Variants in KLF8 observed in about 807,000 individuals in gnomAD.
KLF8 encodes KLF transcription factor 8.
In KLF8, 10 loss-of-function variants were observed where a neutral mutation model predicts 18.2. That is an observed-to-expected ratio of 0.55 (90% confidence interval 0.34 to 0.93). The LOEUF is 0.93. Among genes scored for constraint, KLF8 ranks in the 40% least tolerant of loss-of-function variants. KLF8 has a pLI of 0.02. For missense variants in KLF8, 264 were observed against 277.9 expected (o/e 0.95, Z 0.36); for synonymous variants, 109 against 97.3 (o/e 1.12, Z -0.71).
At chrX:56,208,513 G>A in the KLF8 span, among the ~76,000 whole-genome samples, 1 of 110,305 alleles carries the variant, frequency 9.1e-6, no homozygotes, top group African/African-American at 3.3e-5. Context: ...CTAAGTTCTG[G>A]TTTGGTTTGC....
the KLF8 span, among the ~76,000 whole-genome samples, chrX:56,022,137 T>A: frequency 7.2e-5 from 8 of 110,953 alleles, no homozygotes; most frequent in Admixed American, 3.8e-4. Context: ...CTGTAGAATA[T>A]CCCTTATCTA....
At chrX:56,041,454 A>G in the KLF8 span, among the ~76,000 whole-genome samples, 5 of 100,871 alleles carry the variant, frequency 5.0e-5, no homozygotes, top group African/African-American at 1.1e-4. Flanking sequence ...TCTCTTTATT[A>G]GTCTAGCTAG....
chrX:56,086,666 G>A, the KLF8 span, among the ~76,000 whole-genome samples: 1 of 110,729 alleles, frequency 9.0e-6, no homozygotes, highest in Non-Finnish European at 1.9e-5. Flanking sequence ...TAGGCTTCTT[G>A]TGATAATGAT....
At chrX:56,050,587 A>T in the KLF8 span, among the ~76,000 whole-genome samples, 4 of 112,207 alleles carry the variant, frequency 3.6e-5, no homozygotes, top group South Asian at 7.3e-4. Context: ...TTTCAGTGAG[A>T]TTCTTAATCC....
chrX:55,980,276 C>T, the KLF8 span, among the ~76,000 whole-genome samples: 1 of 112,017 alleles, frequency 8.9e-6, no homozygotes, highest in Non-Finnish European at 1.9e-5. Flanking sequence ...TTACTGAGTG[C>T]TTGTTGTGAG....
At chrX:55,970,560 C>T in the KLF8 span, among the ~76,000 whole-genome samples, 4 of 111,731 alleles carry the variant, frequency 3.6e-5, no homozygotes, top group East Asian at 1.1e-3. Flanking sequence ...TACTGCAAGT[C>T]CTAGCTAGAG....
At chrX:56,199,328 G>A in the KLF8 span, among the ~76,000 whole-genome samples, 2 of 111,791 alleles carry the variant, frequency 1.8e-5, no homozygotes, top group Non-Finnish European at 3.8e-5. Flanking sequence ...GAAGGTTTTT[G>A]CAATCTACCC....
At chrX:56,083,448 T>C in the KLF8 span, among the ~76,000 whole-genome samples, 1 of 112,325 alleles carries the variant, frequency 8.9e-6, no homozygotes, top group Non-Finnish European at 1.9e-5. Flanking sequence ...TATTAAAGAT[T>C]CTAGAACATG....
the KLF8 span, among the ~76,000 whole-genome samples, chrX:56,114,154 G>C: frequency 8.9e-6 from 1 of 112,363 alleles, no homozygotes; most frequent in Admixed American, 9.4e-5. Context: ...ATTGGTCACA[G>C]CTGCTGTGCT....
the KLF8 span, chrX:56,074,600 T>A: frequency 4.1e-5 from 5 of 120,902 alleles, no homozygotes; most frequent in Non-Finnish European, 6.9e-5. Context: ...TATCTATATA[T>A]GTTAAGGGTT....
At chrX:56,216,513 G>GGTTT in the KLF8 span, among the ~76,000 whole-genome samples, 1 of 91,070 alleles carries the variant, frequency 1.1e-5, no homozygotes, top group Non-Finnish European at 2.2e-5. Context: ...TCTGGCTGCT[G>GGTTT]ATTTATTTAT....
chrX:55,958,381 G>C, the KLF8 span, among the ~76,000 whole-genome samples: 1 of 111,823 alleles, frequency 8.9e-6, no homozygotes, highest in Non-Finnish European at 1.9e-5. Flanking sequence ...CATCAACCAA[G>C]GCCTGCTACA....
the KLF8 span, among the ~76,000 whole-genome samples, chrX:56,102,960 T>A: frequency 2.1e-5 from 2 of 96,782 alleles, no homozygotes; most frequent in Non-Finnish European, 2.0e-5. Flanking sequence ...TATGGAGGTT[T>A]CATTATGATT....
At chrX:55,931,182 T>C in the KLF8 span, among the ~76,000 whole-genome samples, 1 of 112,044 alleles carries the variant, frequency 8.9e-6, no homozygotes, top group East Asian at 2.8e-4. Flanking sequence ...TTTATTTGCA[T>C]AGAGGTGTTT....
At chrX:56,043,051 T>A in the KLF8 span, among the ~76,000 whole-genome samples, 1 of 111,883 alleles carries the variant, frequency 8.9e-6, no homozygotes, top group Non-Finnish European at 1.9e-5. Context: ...CTGAAACATA[T>A]CTTATTTCTC....
chrX:56,053,011 G>A, the KLF8 span, among the ~76,000 whole-genome samples: 6 of 111,895 alleles, frequency 5.4e-5, no homozygotes, highest in East Asian at 2.8e-4. Flanking sequence ...CAGTAGTCAG[G>A]TGGGAGTGAC....
At position 56,285,177 on chromosome X, in the gene KLF8, C is replaced by T. The variant is rs1487848543; in HGVS notation, c.*683C>T. The T allele has an allele frequency of 1.8e-5, 2 of 111,853 alleles. No homozygotes were observed. Among genetic ancestry groups the T allele is most frequent in the Non-Finnish European group, 3.8e-5 (2 of 53,165 alleles). 9.2% of individuals were successfully genotyped at this position (111,853 alleles called of 1,213,427 possible). On this transcript the variant is annotated 3_prime_UTR_variant, in exon 6 of 6. Transcript: ENST00000468660. Reference sequence around the variant, plus strand: ...GAGGAGTTCTTGTCCTTCTCCTCCTCTTTTTTTTCTTTTCCACTTTCTCCT... The same window carrying T: ...GAGGAGTTCTTGTCCTTCTCCTCCTTTTTTTTTTCTTTTCCACTTTCTCCT...
At chrX:56,228,545 G>C (rs752400129), upstream of KLF8, among the ~76,000 whole-genome samples, 3 of 112,400 alleles carry the variant, frequency 2.7e-5, no homozygotes, top group East Asian at 8.4e-4. Context: ...TTAGAGATGT[G>C]AAGGCACTTG....
At chrX:56,012,430 T>C in the KLF8 span, among the ~76,000 whole-genome samples, 1 of 111,933 alleles carries the variant, frequency 8.9e-6, no homozygotes, top group African/African-American at 3.2e-5. Context: ...AAAGTAAATA[T>C]TGATGGAAGA....
Sources: allele counts gnomAD v4.1 joint callset (sites outside exome capture counted in the v4.1 genomes callset), GRCh38; gene constraint gnomAD v4.1.1; transcripts MANE v1.5; gene names NCBI Gene and HGNC (gene_info 2026-07-23, HGNC 2026-07-21).